Variants in FAXDC2 observed in about 807,000 individuals in gnomAD.
FAXDC2 encodes the protein fatty acid hydroxylase domain containing 2.
A neutral mutation model predicts 40.9 loss-of-function variants in FAXDC2; 41 were observed. That is an observed-to-expected ratio of 1.00 (90% CI 0.78 to 1.30). The LOEUF is 1.30. Among genes scored for constraint, FAXDC2 ranks in the 50% most tolerant of loss-of-function variants. FAXDC2 has a pLI of 0.00. For synonymous variants in FAXDC2, 157 were observed against 149.3 expected (o/e 1.05, Z -0.38); for missense variants, 390 against 408.8 (o/e 0.95, Z 0.40).
chr5:154,838,121 T>C lies in FAXDC2; in HGVS notation c.48+10A>G, dbSNP rs757964511. On this transcript the variant is annotated intron_variant, in intron 2 of 8. Transcript: ENST00000326080. The stretch of plus-strand genomic sequence containing the variant: ...TCTCACCAGTTTGGGGGCAAGGTGC[T>C]GGCATTTACCTGCTTTGACTTTTCA... 1.3e-6 allele frequency: 2 copies of C among 1,598,816 alleles called. No homozygotes were observed. The highest frequency in any genetic ancestry group is 1.7e-6 in the Non-Finnish European group (2 of 1,166,244).
At chr5:154,827,095 A>G (rs903346604) in intron 5 of FAXDC2, among the ~76,000 whole-genome samples, 50 of 152,184 alleles carry the variant, frequency 3.3e-4, no homozygotes, top group African/African-American at 9.2e-4. Context: ...ACCTGAGGCC[A>G]GGAGTTCGAG....
intron 5 of FAXDC2, 102 bp from the exon 6 acceptor site, chr5:154,823,694 A>G: frequency 2.1e-6 from 2 of 942,540 alleles, no homozygotes; most frequent in South Asian, 1.5e-5. Context: ...ATTCTGGGAG[A>G]GATGTCGGGG....
At chr5:154,835,773 G>A (rs1760328363) in intron 2 of FAXDC2, among the ~76,000 whole-genome samples, 2 of 151,548 alleles carry the variant, frequency 1.3e-5, no homozygotes, top group Admixed American at 6.6e-5. Flanking sequence ...AATAGAGACG[G>A]GGTTTCACTG....
chr5:154,831,548 G>T (rs1037431678), intron 4 of FAXDC2, among the ~76,000 whole-genome samples: 1 of 151,946 alleles, frequency 6.6e-6, no homozygotes, highest in Non-Finnish European at 1.5e-5. Context: ...CTGCCAAGCC[G>T]AAGTGATCCT....
intron 2 of FAXDC2, among the ~76,000 whole-genome samples, chr5:154,836,584 G>C (rs1028976610): frequency 6.6e-6 from 1 of 152,152 alleles, no homozygotes; most frequent in Non-Finnish European, 1.5e-5. Flanking sequence ...TCTGCAATTA[G>C]CTAATGGGGC....
intron 1 of FAXDC2, chr5:154,838,441 TATG>T: frequency 2.2e-6 from 1 of 458,482 alleles, no homozygotes; most frequent in Non-Finnish European, 3.9e-6. Context: ...ACAAAAAATG[TATG>T]ATAATGCTTT....
At chr5:154,849,053 G>A (rs1333379868) in intron 1 of FAXDC2, among the ~76,000 whole-genome samples, 1 of 151,712 alleles carries the variant, frequency 6.6e-6, no homozygotes, top group African/African-American at 2.4e-5. Flanking sequence ...GCCGAGGTGG[G>A]TAGATCACCT....
chr5:154,839,556 G>C (rs1760432287), intron 1 of FAXDC2, among the ~76,000 whole-genome samples: 1 of 151,750 alleles, frequency 6.6e-6, no homozygotes, highest in Non-Finnish European at 1.5e-5. Flanking sequence ...GCTGAACTGG[G>C]AAGATAACTT....
intron 1 of FAXDC2, among the ~76,000 whole-genome samples, chr5:154,848,076 T>C (rs1039786493): frequency 3.9e-5 from 6 of 152,134 alleles, no homozygotes; most frequent in Non-Finnish European, 7.3e-5. Context: ...TCTGACCTTG[T>C]GATCCGCCCG....
chr5:154,834,107 A>G (rs1457421370), intron 4 of FAXDC2, among the ~76,000 whole-genome samples: 1 of 149,916 alleles, frequency 6.7e-6, no homozygotes, highest in African/African-American at 2.4e-5. Context: ...TTATTATTTG[A>G]GTGAATGTAT....
Position 154,822,596 on chromosome 5 carries a change from G to GT in FAXDC2, c.573-20dup. 2 of 1,578,572 alleles carry GT rather than the reference G, an allele frequency of 1.3e-6. No homozygotes were observed. Among genetic ancestry groups the GT allele is most frequent in the South Asian group, 2.2e-5 (2 of 90,350 alleles). On this transcript the variant is annotated intron_variant, in intron 6 of 8. Transcript: ENST00000326080. ...AAGGAGCCTGGGGAAATAGTTAATA[G>GT]TTAATAACCTGCTGATTCCTCTTTC...
chr5:154,841,163 G>C (rs1409279108), intron 1 of FAXDC2, among the ~76,000 whole-genome samples: 5 of 152,156 alleles, frequency 3.3e-5, no homozygotes, highest in Non-Finnish European at 7.4e-5. Flanking sequence ...AGACACTCTA[G>C]AACAGGGCCC....
At chr5:154,821,226 G>A in intron 8 of FAXDC2, 34 bp downstream of exon 8, 2 of 1,573,566 alleles carry the variant, frequency 1.3e-6, no homozygotes, top group Non-Finnish European at 1.7e-6. Context: ...GATGGTTGTT[G>A]CCTAGGGACC....
intron 5 of FAXDC2, among the ~76,000 whole-genome samples, chr5:154,827,070 C>T (rs922305991): frequency 2.0e-5 from 3 of 151,958 alleles, no homozygotes; most frequent in Non-Finnish European, 4.4e-5. Flanking sequence ...TTGGGGAGTC[C>T]GAGGCTAGTG....
At chr5:154,825,048 C>T (rs932666481) in intron 5 of FAXDC2, among the ~76,000 whole-genome samples, 6 of 132,134 alleles carry the variant, frequency 4.5e-5, no homozygotes, top group Non-Finnish European at 6.2e-5. Context: ...AGAGTGAGAC[C>T]CAATCTTGTT....
chr5:154,828,607 T>C (rs974887242), intron 5 of FAXDC2, among the ~76,000 whole-genome samples: 8 of 150,844 alleles, frequency 5.3e-5, no homozygotes, highest in South Asian at 2.1e-4. Flanking sequence ...GTTTTTTTTT[T>C]CCCCCTAGAG....
chr5:154,846,581 C>T (rs1446577684), intron 1 of FAXDC2, among the ~76,000 whole-genome samples: 4 of 151,966 alleles, frequency 2.6e-5, no homozygotes, highest in African/African-American at 4.8e-5. Flanking sequence ...GATGGGGTCT[C>T]ACTATTTTGC....
chr5:154,823,961 G>A (rs1213946775), intron 5 of FAXDC2: 1 of 266,268 alleles, frequency 3.8e-6, no homozygotes, highest in Admixed American at 4.9e-5. Context: ...GACTTTCTGA[G>A]TGATACCCCA....
At chr5:154,822,388 G>C in intron 7 of FAXDC2, 84 bp downstream of exon 7, 1 of 902,958 alleles carries the variant, frequency 1.1e-6, no homozygotes, top group Non-Finnish European at 1.8e-6. Flanking sequence ...GGGCCGGTGT[G>C]GTCTAAGTTC....
Sources: gnomAD v4.1 joint callset for allele counts (sites outside exome capture counted in the v4.1 genomes callset) on GRCh38, gnomAD v4.1.1 for gene constraint, MANE v1.5 for transcripts, NCBI Gene and HGNC (gene_info 2026-07-23, HGNC 2026-07-21) for gene names.